ADGRL3: variants seen among roughly 807,000 people sequenced by gnomAD.
ADGRL3 encodes adhesion G protein-coupled receptor L3.
ADGRL3 carries 62 observed loss-of-function variants against 153.5 expected under a neutral mutation model. That is an observed-to-expected ratio of 0.40 (90% CI 0.33 to 0.50). The LOEUF (loss-of-function observed/expected upper bound fraction) is 0.50, where lower values mean the gene tolerates loss of function less well. Ranked by LOEUF, ADGRL3 falls within the 20% of genes least tolerant of loss-of-function variation. The pLI is 0.47. For missense variants in ADGRL3, 1,641 were observed against 1,859.4 expected (o/e 0.88, Z 2.16); for synonymous variants, 710 against 672.5 (o/e 1.06, Z -0.86).
intron 2 of ADGRL3, among the ~76,000 whole-genome samples, chr4:61,398,490 TC>T (rs2096893413): frequency 6.6e-6 from 1 of 151,728 alleles, no homozygotes; most frequent in South Asian, 2.1e-4. Context: ...GTATTTAAAA[TC>T]TTCAGCCAGA....
At chr4:61,407,455 T>C (rs962881063) in intron 2 of ADGRL3, among the ~76,000 whole-genome samples, 6 of 152,148 alleles carry the variant, frequency 3.9e-5, no homozygotes, top group African/African-American at 1.2e-4. Context: ...TTATATCTTA[T>C]GAAGCCTTCA....
At chr4:61,996,433 T>A in intron 20 of ADGRL3, 76 bp downstream of exon 20, 1 of 997,032 alleles carries the variant, frequency 1.0e-6, no homozygotes. Flanking sequence ...TGACTGTCTT[T>A]AATTTACAGA....
At chr4:61,929,316 C>CT (rs199547921) in intron 13 of ADGRL3, among the ~76,000 whole-genome samples, 3,596 of 152,236 alleles carry the variant, frequency 0.024, 55 homozygotes, top group Middle Eastern at 0.061. Flanking sequence ...AGCTTCTCAG[C>CT]TTCCAGAACT....
chr4:61,220,864 G>A (rs1275765446), intron 1 of ADGRL3, among the ~76,000 whole-genome samples: 2 of 152,180 alleles, frequency 1.3e-5, no homozygotes, highest in Non-Finnish European at 2.9e-5. Flanking sequence ...AAGCATGCCA[G>A]AAATGCCTTT....
intron 1 of ADGRL3, among the ~76,000 whole-genome samples, chr4:61,380,502 T>G (rs2096654531): frequency 6.6e-6 from 1 of 152,034 alleles, no homozygotes; most frequent in East Asian, 1.9e-4. Flanking sequence ...TTATTTTGCA[T>G]TTTGGAGATC....
intron 8 of ADGRL3, among the ~76,000 whole-genome samples, chr4:61,774,563 T>C (rs1461701686): frequency 6.6e-6 from 1 of 152,140 alleles, no homozygotes; most frequent in Non-Finnish European, 1.5e-5. Context: ...ATGCAAATAC[T>C]ATACCATTTT....
At chr4:61,693,399 A>G (rs946077105) in intron 6 of ADGRL3, among the ~76,000 whole-genome samples, 22 of 152,062 alleles carry the variant, frequency 1.4e-4, no homozygotes. Context: ...AAGATACAGC[A>G]TGCCAGAACT....
chr4:61,750,747 G>T (rs989614926), intron 8 of ADGRL3, among the ~76,000 whole-genome samples: 1 of 147,492 alleles, frequency 6.8e-6, no homozygotes, highest in African/African-American at 2.6e-5. Context: ...CCGAGATCCC[G>T]CCACTGCACT....
intron 13 of ADGRL3, among the ~76,000 whole-genome samples, chr4:61,914,279 G>A (rs1338181506): frequency 2.6e-5 from 4 of 152,080 alleles, no homozygotes; most frequent in Non-Finnish European, 4.4e-5. Flanking sequence ...ACGATTATGC[G>A]TGGTTTCCGT....
At chr4:61,236,296 C>T (rs1450783214) in intron 1 of ADGRL3, among the ~76,000 whole-genome samples, 1 of 152,102 alleles carries the variant, frequency 6.6e-6, no homozygotes, top group African/African-American at 2.4e-5. Flanking sequence ...AGGCTTGAGC[C>T]ACTGTGCCCT....
At chr4:61,463,689 A>T (rs1298760601) in intron 2 of ADGRL3, among the ~76,000 whole-genome samples, 1 of 152,216 alleles carries the variant, frequency 6.6e-6, no homozygotes, top group African/African-American at 2.4e-5. Context: ...ATTGAAAAGA[A>T]AAAATACAGG....
intron 4 of ADGRL3, among the ~76,000 whole-genome samples, chr4:61,548,542 T>C (rs1235408091): frequency 6.6e-6 from 1 of 152,024 alleles, no homozygotes. Flanking sequence ...AGGGAGTCCT[T>C]TCCCTGTTGC....
At chr4:61,380,748 A>C (rs943763928) in intron 1 of ADGRL3, among the ~76,000 whole-genome samples, 1 of 151,960 alleles carries the variant, frequency 6.6e-6, no homozygotes, top group East Asian at 1.9e-4. Flanking sequence ...TTTTATCCAA[A>C]ATAAATTACA....
intron 6 of ADGRL3, among the ~76,000 whole-genome samples, chr4:61,717,004 T>C (rs549389701): frequency 6.6e-6 from 1 of 152,268 alleles, no homozygotes; most frequent in Non-Finnish European, 1.5e-5. Context: ...GTGTGATGAA[T>C]TCATGCATCT....
At chr4:61,910,351 C>A (rs1206434581) in intron 12 of ADGRL3, among the ~76,000 whole-genome samples, 1 of 151,648 alleles carries the variant, frequency 6.6e-6, no homozygotes, top group Non-Finnish European at 1.5e-5. Context: ...AAATATATTC[C>A]AGCAAATTTG....
Position 61,414,422 on chromosome 4 carries a change from G to A in ADGRL3, c.-174+31233G>A, listed in dbSNP as rs973701430. Among the ~76,000 whole-genome samples the A allele has an allele frequency of 1.4e-4, 21 of 152,046 alleles. 1 individual carries two copies. Among genetic ancestry groups the A allele is most frequent in the African/African-American group, 4.6e-4 (19 of 41,404 alleles). ...TGGACCTGAAATTTGAGGGCTTTCT[G>A]TATTCCTTTATAAGAATATACTGTT... On this transcript the variant is annotated intron_variant, in intron 2 of 26. Coordinates refer to ENST00000683033, the MANE Select transcript of ADGRL3 (RefSeq NM_001387552.1).
chr4:61,823,795 C>CT (rs1561309684), intron 9 of ADGRL3, among the ~76,000 whole-genome samples: 3 of 152,154 alleles, frequency 2.0e-5, no homozygotes, highest in African/African-American at 7.2e-5. Context: ...GGCATGGTGG[C>CT]TAACGCCTGT....
At chr4:61,521,570 G>C (rs2098531242) in intron 4 of ADGRL3, among the ~76,000 whole-genome samples, 2 of 152,270 alleles carry the variant, frequency 1.3e-5, no homozygotes, top group Non-Finnish European at 1.5e-5. Flanking sequence ...AGATAGATAA[G>C]AAATAGACGA....
intron 1 of ADGRL3, among the ~76,000 whole-genome samples, chr4:61,310,048 T>C (rs2094939076): frequency 6.6e-6 from 1 of 151,400 alleles, no homozygotes; most frequent in South Asian, 2.1e-4. Context: ...TAGATATAAA[T>C]GCAATATACT....
Sources: gnomAD v4.1 joint callset for allele counts (sites outside exome capture counted in the v4.1 genomes callset) on GRCh38, gnomAD v4.1.1 for gene constraint, MANE v1.5 for transcripts, NCBI Gene and HGNC (gene_info 2026-07-23, HGNC 2026-07-21) for gene names.